SUGCT: variants seen among roughly 807,000 people sequenced by gnomAD.
SUGCT encodes the protein succinyl-CoA:glutarate CoA-transferase.
SUGCT carries 41 observed loss-of-function variants against 55.0 expected under a neutral mutation model. The ratio of observed to expected loss-of-function variants is 0.74; its 90% CI spans 0.58 to 0.97. SUGCT has a LOEUF of 0.97. Ranked by LOEUF, SUGCT falls within the 50% of genes least tolerant of loss-of-function variation. The probability of loss-of-function intolerance (pLI) is 0.00; values close to 1 mark genes in which losing one functional copy is unlikely to be tolerated. For synonymous variants in SUGCT, 187 were observed against 200.4 expected (o/e 0.93, Z 0.56); for missense variants, 568 against 547.8 (o/e 1.04, Z -0.37).
chr7:40,231,320 T>C (rs537023729), intron 6 of SUGCT, among the ~76,000 whole-genome samples: 1 of 152,340 alleles, frequency 6.6e-6, no homozygotes, highest in East Asian at 1.9e-4. Context: ...GTAGACGTAA[T>C]TCTAGGTGCT....
At chr7:40,500,841 A>G (rs1792242073) in intron 12 of SUGCT, among the ~76,000 whole-genome samples, 1 of 151,978 alleles carries the variant, frequency 6.6e-6, no homozygotes, top group South Asian at 2.1e-4. Flanking sequence ...GTTATTTTTC[A>G]AGACCTTTCT....
intron 9 of SUGCT, among the ~76,000 whole-genome samples, chr7:40,421,575 G>T (rs1787309301): frequency 6.6e-6 from 1 of 152,120 alleles, no homozygotes; most frequent in Non-Finnish European, 1.5e-5. Context: ...CCTACTTTGT[G>T]TCAGACTCTG....
chr7:40,835,890 C>CTTTTTTTT (rs1011199588), intron 13 of SUGCT, among the ~76,000 whole-genome samples: 12 of 136,100 alleles, frequency 8.8e-5, no homozygotes, highest in South Asian at 2.4e-4. Flanking sequence ...TCTTTTTTTT[C>CTTTTTTTT]TTTTTTTTTT....
intron 12 of SUGCT, among the ~76,000 whole-genome samples, chr7:40,659,798 A>T (rs1467117755): frequency 6.6e-6 from 1 of 152,188 alleles, no homozygotes; most frequent in East Asian, 1.9e-4. Context: ...GGGGTGAGGG[A>T]CACCATCACT....
At chr7:40,442,178 C>G (rs934404178) in intron 9 of SUGCT, among the ~76,000 whole-genome samples, 6 of 152,140 alleles carry the variant, frequency 3.9e-5, no homozygotes, top group African/African-American at 1.4e-4. Flanking sequence ...TAAGCCATAT[C>G]TTAGCAGAAT....
At chr7:40,297,571 C>T (rs921132703) in intron 8 of SUGCT, among the ~76,000 whole-genome samples, 1 of 151,890 alleles carries the variant, frequency 6.6e-6, no homozygotes, top group Non-Finnish European at 1.5e-5. Context: ...GCACATTGAC[C>T]TCTTTCGCTA....
the SUGCT span, among the ~76,000 whole-genome samples, chr7:41,026,195 A>G: frequency 6.6e-6 from 1 of 152,006 alleles, no homozygotes; most frequent in African/African-American, 2.4e-5. Flanking sequence ...CTGCATTTTC[A>G]TTTTGCACTG....
intron 1 of SUGCT, chr7:40,154,031 A>G (rs1562799987): frequency 3.8e-6 from 1 of 260,306 alleles, no homozygotes; most frequent in Non-Finnish European, 7.8e-6. Context: ...TGTGATGTGT[A>G]TGGTGAAAAG....
At chr7:40,520,823 C>T (rs572046604) in intron 12 of SUGCT, among the ~76,000 whole-genome samples, 4 of 151,974 alleles carry the variant, frequency 2.6e-5, no homozygotes, top group South Asian at 2.1e-4. Flanking sequence ...GTCTGAAGGA[C>T]GTGTTTATTG....
intron 13 of SUGCT, among the ~76,000 whole-genome samples, chr7:40,789,992 A>G (rs1201393425): frequency 6.6e-6 from 1 of 152,240 alleles, no homozygotes. Flanking sequence ...TGCCTTCAAA[A>G]TAAGATTTAT....
At chr7:40,146,793 A>G (rs1788270963) in intron 1 of SUGCT, among the ~76,000 whole-genome samples, 1 of 152,192 alleles carries the variant, frequency 6.6e-6, no homozygotes, top group South Asian at 2.1e-4. Flanking sequence ...GAGCCAGTTT[A>G]TGGCCAGATT....
At chr7:40,484,612 C>G (rs1371945980) in intron 11 of SUGCT, among the ~76,000 whole-genome samples, 1 of 152,136 alleles carries the variant, frequency 6.6e-6, no homozygotes, top group African/African-American at 2.4e-5. Flanking sequence ...GCCTTCAGAT[C>G]CAGACATTGC....
chr7:40,980,475 C>T, the SUGCT span, among the ~76,000 whole-genome samples: 1 of 152,138 alleles, frequency 6.6e-6, no homozygotes, highest in Non-Finnish European at 1.5e-5. Flanking sequence ...CAAAGTCTCA[C>T]CTCAGTATTA....
chr7:40,677,077 C>G (rs753780289), intron 12 of SUGCT, among the ~76,000 whole-genome samples: 4 of 152,136 alleles, frequency 2.6e-5, no homozygotes, highest in African/African-American at 4.8e-5. Context: ...ACATTTACCT[C>G]TAACTCTACA....
intron 1 of SUGCT, among the ~76,000 whole-genome samples, chr7:40,179,683 A>G (rs1271494551): frequency 1.3e-5 from 2 of 152,234 alleles, no homozygotes; most frequent in Non-Finnish European, 2.9e-5. Flanking sequence ...GGCTTCATCC[A>G]GATGTATGGG....
At chr7:40,217,009 T>C (rs940880916) in intron 6 of SUGCT, among the ~76,000 whole-genome samples, 4 of 151,502 alleles carry the variant, frequency 2.6e-5, no homozygotes, top group Non-Finnish European at 5.9e-5. Flanking sequence ...TGCTGGCATT[T>C]CCCCCCCCTC....
chr7:40,668,462 A>G lies in SUGCT; in HGVS notation c.1090-80972A>G, dbSNP rs1450202049. Among the ~76,000 whole-genome samples the G allele has an allele frequency of 7.2e-5, 11 of 152,278 alleles. No individual in the cohort carries two copies. The South Asian group carries it at 1.2e-3, about 17-fold the overall frequency. On this transcript the variant is annotated intron_variant, in intron 12 of 13. Coordinates refer to ENST00000335693, the MANE Select transcript of SUGCT (RefSeq NM_001193313.2). ...TCATTGATTCATTCTCTAAAACAGA[A>G]TTTTCTTTAAGAAAAGTCAACTTTG... is the stretch of plus-strand genomic sequence containing the variant.
At chr7:40,873,003 C>A in the SUGCT span, among the ~76,000 whole-genome samples, 7 of 152,280 alleles carry the variant, frequency 4.6e-5, no homozygotes, top group African/African-American at 1.7e-4. Flanking sequence ...CTCAGCGGAA[C>A]CCGGCTGATC....
chr7:40,843,661 G>GA (rs1793401657), intron 13 of SUGCT, among the ~76,000 whole-genome samples: 1 of 152,120 alleles, frequency 6.6e-6, no homozygotes, highest in South Asian at 2.1e-4. Context: ...CATGCTTGGT[G>GA]AACAGCAAGG....
Sources: gnomAD v4.1 joint callset for allele counts (sites outside exome capture counted in the v4.1 genomes callset) on GRCh38, gnomAD v4.1.1 for gene constraint, MANE v1.5 for transcripts, NCBI Gene and HGNC (gene_info 2026-07-23, HGNC 2026-07-21) for gene names.